Variants in ULK4 observed in about 807,000 individuals in gnomAD.
ULK4 encodes unc-51 like kinase 4, also known as inactive serine/threonine-protein kinase ULK4.
ULK4 carries 133 observed loss-of-function variants against 160.6 expected under a neutral mutation model. The ratio of observed to expected loss-of-function variants is 0.83; its 90% CI spans 0.72 to 0.96. The LOEUF is 0.96. Ranked by LOEUF, ULK4 falls within the 40% of genes least tolerant of loss-of-function variation. The probability of loss-of-function intolerance (pLI) is 0.00; values close to 1 mark genes in which losing one functional copy is unlikely to be tolerated. For missense variants in ULK4, 1,580 were observed against 1,499.5 expected, an observed-to-expected ratio of 1.05 and a Z score of -0.89; for synonymous variants, 534 against 539.8, an observed-to-expected ratio of 0.99 and a Z score of 0.15.
At chr3:41,901,169 C>CTTTTTTTTTTTTTTTTTTTTTTTTTTTT (rs756499023) in intron 12 of ULK4, among the ~76,000 whole-genome samples, 1 of 95,744 alleles carries the variant, frequency 1.0e-5, no homozygotes, top group African/African-American at 3.1e-5. Context: ...AACAGCATGG[C>CTTTTTTTTTTTTTTTTTTTTTTTTTTTT]TTCTTTTTTT....
chr3:41,828,100 C>A (rs186380833), intron 18 of ULK4, among the ~76,000 whole-genome samples: 1 of 137,482 alleles, frequency 7.3e-6, no homozygotes, highest in Admixed American at 6.9e-5. Flanking sequence ...AATTCAACAG[C>A]CCTTCATGCT....
chr3:41,267,838 G>A (rs1173430530), intron 35 of ULK4, among the ~76,000 whole-genome samples: 4 of 152,128 alleles, frequency 2.6e-5, no homozygotes, highest in Non-Finnish European at 4.4e-5. Context: ...TCCTGACTTC[G>A]AATCCTTGAT....
chr3:41,397,946 G>A (rs1160442133), intron 35 of ULK4, 133 bp downstream of exon 35: 2 of 930,090 alleles, frequency 2.2e-6, no homozygotes, highest in Non-Finnish European at 3.2e-6. Flanking sequence ...AAGGAGAAAG[G>A]TGACTGGGAG....
chr3:41,690,649 A>G (rs969118349), intron 27 of ULK4, among the ~76,000 whole-genome samples: 18 of 151,088 alleles, frequency 1.2e-4, no homozygotes, highest in Non-Finnish European at 2.5e-4. Flanking sequence ...AATTTTAGCT[A>G]CTCTGCTACC....
intron 35 of ULK4, among the ~76,000 whole-genome samples, chr3:41,251,683 T>C (rs572170643): frequency 6.6e-6 from 1 of 152,196 alleles, no homozygotes. Flanking sequence ...GGCCATTCTG[T>C]GATGGCAGCA....
intron 34 of ULK4, among the ~76,000 whole-genome samples, chr3:41,436,995 T>C (rs2083051496): frequency 1.3e-5 from 2 of 152,216 alleles, no homozygotes; most frequent in African/African-American, 4.8e-5. Context: ...CATACCTACA[T>C]TCAAGATAAA....
intron 30 of ULK4, among the ~76,000 whole-genome samples, chr3:41,649,932 TC>T (rs1210614457): frequency 6.6e-6 from 1 of 152,166 alleles, no homozygotes; most frequent in African/African-American, 2.4e-5. Flanking sequence ...AGCATGAACT[TC>T]CTTCTCAGCC....
chr3:41,532,930 TA>T (rs1377230796), intron 32 of ULK4, among the ~76,000 whole-genome samples: 6 of 152,202 alleles, frequency 3.9e-5, no homozygotes, highest in Non-Finnish European at 5.9e-5. Context: ...CTTGAACCAA[TA>T]TGGCTTAGTG....
chr3:41,502,757 A>G (rs1290560046), intron 32 of ULK4, among the ~76,000 whole-genome samples: 1 of 152,238 alleles, frequency 6.6e-6, no homozygotes, highest in Non-Finnish European at 1.5e-5. Context: ...CTATGTAGGC[A>G]TAAAATATTA....
At chr3:41,580,389 T>TA (rs1165663919) in intron 31 of ULK4, among the ~76,000 whole-genome samples, 48 of 149,914 alleles carry the variant, frequency 3.2e-4, no homozygotes, top group African/African-American at 6.7e-4. Context: ...TTTTTTTTTT[T>TA]AAAAAAACCT....
At chr3:41,827,479 C>A (rs998900277) in intron 18 of ULK4, among the ~76,000 whole-genome samples, 6 of 152,104 alleles carry the variant, frequency 3.9e-5, no homozygotes, top group African/African-American at 1.2e-4. Flanking sequence ...CACCACCGAT[C>A]CCACAGAAAT....
chr3:41,501,451 T>C (rs2085205136), intron 32 of ULK4, among the ~76,000 whole-genome samples: 1 of 152,096 alleles, frequency 6.6e-6, no homozygotes, highest in Admixed American at 6.6e-5. Flanking sequence ...TGAGCCGAGA[T>C]TGCGCCACTG....
At chr3:41,358,172 C>G (rs577255001) in intron 35 of ULK4, among the ~76,000 whole-genome samples, 7 of 152,190 alleles carry the variant, frequency 4.6e-5, no homozygotes, top group African/African-American at 1.7e-4. Flanking sequence ...GGAGTGGGCT[C>G]CGCAGAACAG....
intron 35 of ULK4, among the ~76,000 whole-genome samples, chr3:41,372,133 T>C (rs529194136): frequency 3.3e-5 from 5 of 151,752 alleles, no homozygotes; most frequent in African/African-American, 1.2e-4. Context: ...CTCCAAGAAA[T>C]ATGGGATTAT....
intron 22 of ULK4, among the ~76,000 whole-genome samples, chr3:41,740,477 G>C (rs972962640): frequency 6.6e-5 from 10 of 151,768 alleles, no homozygotes; most frequent in Admixed American, 6.6e-4. Context: ...GCCTGTCATA[G>C]TAATATGAGT....
At chr3:41,931,327 GT>G (rs1699590251) in intron 5 of ULK4, among the ~76,000 whole-genome samples, 1 of 152,020 alleles carries the variant, frequency 6.6e-6, no homozygotes. Context: ...ACCGGGGCCT[GT>G]CAGGGGGTAG....
chr3:41,731,389 G>C (rs2037815674), intron 22 of ULK4, among the ~76,000 whole-genome samples: 1 of 151,616 alleles, frequency 6.6e-6, no homozygotes, highest in Non-Finnish European at 1.5e-5. Context: ...CCATTTATAA[G>C]TTATAAAAAA....
intron 29 of ULK4, among the ~76,000 whole-genome samples, chr3:41,680,559 T>C (rs1272875841): frequency 6.6e-6 from 1 of 152,230 alleles, no homozygotes; most frequent in East Asian, 1.9e-4. Flanking sequence ...TTTTCTTTAA[T>C]GTGAACCTAA....
intron 5 of ULK4, among the ~76,000 whole-genome samples, chr3:41,929,256 A>G (rs143300378): frequency 1.4e-4 from 21 of 152,346 alleles, no homozygotes; most frequent in Admixed American, 1.2e-3. Context: ...GATTATCTCA[A>G]TAGATGCAGA....
Sources: gnomAD v4.1 joint callset for allele counts (sites outside exome capture counted in the v4.1 genomes callset) on GRCh38, gnomAD v4.1.1 for gene constraint, MANE v1.5 for transcripts, NCBI Gene and HGNC (gene_info 2026-07-23, HGNC 2026-07-21) for gene names.